Variants in STK32A observed in about 807,000 individuals in gnomAD.
STK32A encodes serine/threonine kinase 32A.
A neutral mutation model predicts 53.2 loss-of-function variants in STK32A; 41 were observed. The ratio of observed to expected loss-of-function variants is 0.77; its 90% CI spans 0.60 to 1.00. The LOEUF is 1.00. Ranked by LOEUF, STK32A falls within the 50% of genes least tolerant of loss-of-function variation. STK32A has a pLI of 0.00. For missense variants in STK32A, 458 were observed against 485.8 expected (o/e 0.94, Z 0.54); for synonymous variants, 166 against 162.8 (o/e 1.02, Z -0.15).
chr5:147,390,776 C>T (rs973438998), downstream of STK32A: 1 of 152,572 alleles, frequency 6.6e-6, no homozygotes, highest in South Asian at 2.1e-4. Flanking sequence ...TGAAAATGCA[C>T]ATCACACAAA....
At chr5:147,321,096 A>T (rs992488354) in intron 4 of STK32A, among the ~76,000 whole-genome samples, 20 of 152,334 alleles carry the variant, frequency 1.3e-4, no homozygotes, top group African/African-American at 4.3e-4. Context: ...TTTATTAGTT[A>T]TCTTCCTTAC....
the STK32A span, chr5:147,399,158 G>A: frequency 5.0e-6 from 8 of 1,614,128 alleles, no homozygotes; most frequent in South Asian, 8.8e-5. Flanking sequence ...AGAACCCACA[G>A]ATATTCTTCC....
chr5:147,352,787 T>C (rs947027553), intron 7 of STK32A, among the ~76,000 whole-genome samples: 4 of 152,178 alleles, frequency 2.6e-5, no homozygotes, highest in Non-Finnish European at 5.9e-5. Context: ...GGGGCTAGTC[T>C]TTCTGGGGAT....
intron 5 of STK32A, among the ~76,000 whole-genome samples, chr5:147,339,811 A>G (rs1478313306): frequency 6.6e-6 from 1 of 152,218 alleles, no homozygotes; most frequent in Non-Finnish European, 1.5e-5. Context: ...GTTTTGGCCA[A>G]TTCCTCTTAT....
rs1753474631 is a variant in STK32A at position 147,239,552 on chromosome 5, G to A, written c.-83G>A. On this transcript the variant is annotated 5_prime_UTR_variant, in exon 2 of 13. Coordinates refer to ENST00000397936, the MANE Select transcript of STK32A (RefSeq NM_001112724.2). ...TTCCTATCCTAGATATCCAACTAAG[G>A]CTTCGGGACATGTTTTGAGCGAAGA... The A allele has an allele frequency of 9.3e-7, 1 of 1,080,982 alleles. No homozygotes were observed. Among genetic ancestry groups the A allele is most frequent in the South Asian group, 1.4e-5 (1 of 69,242 alleles). 67.0% of individuals were successfully genotyped at this position (1,080,982 alleles called of 1,614,324 possible). A position where few individuals can be genotyped will look rare whatever the true frequency, so the allele number is the denominator to read the frequency against.
chr5:147,305,290 C>T (rs1197630181), intron 4 of STK32A, among the ~76,000 whole-genome samples: 1 of 152,084 alleles, frequency 6.6e-6, no homozygotes, highest in Non-Finnish European at 1.5e-5. Context: ...CAACAACCTC[C>T]TGCCTCACAG....
At chr5:147,274,315 C>A (rs1755163056) in intron 2 of STK32A, among the ~76,000 whole-genome samples, 1 of 152,148 alleles carries the variant, frequency 6.6e-6, no homozygotes, top group South Asian at 2.1e-4. Flanking sequence ...GAGTGAGAAC[C>A]AGGCTCTGCC....
intron 2 of STK32A, among the ~76,000 whole-genome samples, chr5:147,271,168 GA>G (rs2151951402): frequency 6.6e-6 from 1 of 152,236 alleles, no homozygotes; most frequent in Admixed American, 6.5e-5. Flanking sequence ...CATGGACTGT[GA>G]AGATTTCATG....
At chr5:147,329,087 G>A (rs1209875991) in intron 5 of STK32A, among the ~76,000 whole-genome samples, 1 of 152,154 alleles carries the variant, frequency 6.6e-6, no homozygotes, top group Non-Finnish European at 1.5e-5. Flanking sequence ...ACAACAGAGA[G>A]AGTTGCAAAA....
At chr5:147,389,172 T>C (rs1348680455), downstream of STK32A, among the ~76,000 whole-genome samples, 1 of 152,150 alleles carries the variant, frequency 6.6e-6, no homozygotes, top group African/African-American at 2.4e-5. Flanking sequence ...TAAAAGCAAT[T>C]AATCAGAAAT....
intron 1 of STK32A, among the ~76,000 whole-genome samples, chr5:147,237,973 G>T (rs779571591): frequency 1.3e-5 from 2 of 152,096 alleles, no homozygotes; most frequent in African/African-American, 2.4e-5. Context: ...TTAAAAATAC[G>T]CAATAAGGAA....
chr5:147,360,864 A>T (rs756016153), intron 7 of STK32A, among the ~76,000 whole-genome samples: 5 of 152,202 alleles, frequency 3.3e-5, no homozygotes, highest in Admixed American at 1.3e-4. Context: ...TGCTTAGAGA[A>T]TGCATAACTT....
At chr5:147,267,239 T>C (rs913775238) in intron 2 of STK32A, among the ~76,000 whole-genome samples, 2 of 152,146 alleles carry the variant, frequency 1.3e-5, no homozygotes, top group African/African-American at 4.8e-5. Context: ...TGGTCAAAAT[T>C]GAAAGAAGAA....
chr5:147,271,933 G>A (rs1024011464), intron 2 of STK32A, among the ~76,000 whole-genome samples: 7 of 152,186 alleles, frequency 4.6e-5, no homozygotes, highest in African/African-American at 1.4e-4. Flanking sequence ...TGTGGAGCAC[G>A]TGATCTCTGT....
intron 7 of STK32A, among the ~76,000 whole-genome samples, chr5:147,357,731 A>AT (rs532612718): frequency 2.6e-5 from 4 of 151,952 alleles, no homozygotes; most frequent in East Asian, 1.9e-4. Context: ...TTATGGTTTC[A>AT]TTTTTTTACT....
At chr5:147,271,780 C>T (rs1004312751) in intron 2 of STK32A, among the ~76,000 whole-genome samples, 6 of 152,066 alleles carry the variant, frequency 3.9e-5, no homozygotes, top group Non-Finnish European at 8.8e-5. Flanking sequence ...TTGGTCAGAC[C>T]TGTTGCTCTC....
At chr5:147,279,697 T>A (rs1395242939) in intron 4 of STK32A, among the ~76,000 whole-genome samples, 1 of 152,220 alleles carries the variant, frequency 6.6e-6, no homozygotes, top group African/African-American at 2.4e-5. Context: ...ACATTCATGA[T>A]GATTCCTGAA....
At chr5:147,396,017 G>A in the STK32A span, among the ~76,000 whole-genome samples, 5 of 152,096 alleles carry the variant, frequency 3.3e-5, no homozygotes, top group South Asian at 4.1e-4. Flanking sequence ...GAGGGATACC[G>A]GGGAGTGGTG....
At chr5:147,240,736 C>A (rs918097191) in intron 2 of STK32A, among the ~76,000 whole-genome samples, 3 of 152,190 alleles carry the variant, frequency 2.0e-5, no homozygotes, top group African/African-American at 7.2e-5. Flanking sequence ...TGGCTTAAGC[C>A]AAATGGAAAT....
Sources: allele counts gnomAD v4.1 joint callset (sites outside exome capture counted in the v4.1 genomes callset), GRCh38; gene constraint gnomAD v4.1.1; transcripts MANE v1.5; gene names NCBI Gene and HGNC (gene_info 2026-07-23, HGNC 2026-07-21).